The following ASCC3 variants were observed in gnomAD, a reference collection of about 807,000 sequenced individuals.
ASCC3 encodes activating signal cointegrator 1 complex subunit 3.
A neutral mutation model predicts 256.3 loss-of-function variants in ASCC3; 158 were observed. That is an observed-to-expected ratio of 0.62 (90% CI 0.54 to 0.70). ASCC3 has a LOEUF of 0.70. Ranked by LOEUF, ASCC3 falls within the 30% of genes least tolerant of loss-of-function variation. ASCC3 has a pLI of 0.00. For synonymous variants in ASCC3, 948 were observed against 883.4 expected (o/e 1.07, Z -1.30); for missense variants, 2,259 against 2,626.0 (o/e 0.86, Z 3.05).
At chr6:100,577,632 A>C (rs1458096679) in intron 36 of ASCC3, among the ~76,000 whole-genome samples, 1 of 152,010 alleles carries the variant, frequency 6.6e-6, no homozygotes, top group Non-Finnish European at 1.5e-5. Context: ...AGAGCATCAC[A>C]CTGAGCTGAT....
At chr6:100,754,300 A>G (rs988175985) in intron 10 of ASCC3, among the ~76,000 whole-genome samples, 2 of 152,162 alleles carry the variant, frequency 1.3e-5, no homozygotes, top group East Asian at 1.9e-4. Context: ...GGAAATGCCA[A>G]TGCAACATAA....
At chr6:100,868,213 A>C (rs1284066667) in intron 1 of ASCC3, among the ~76,000 whole-genome samples, 175 bp from the exon 2 acceptor site, 2 of 152,216 alleles carry the variant, frequency 1.3e-5, no homozygotes, top group Admixed American at 1.3e-4. Flanking sequence ...TTTGTTTTTA[A>C]AAAGCATTAG....
chr6:100,513,918 T>C (rs78937506), intron 39 of ASCC3, among the ~76,000 whole-genome samples: 2,112 of 152,148 alleles, frequency 0.014, 40 homozygotes, highest in African/African-American at 0.049. Context: ...GGCTTTTTTT[T>C]TTTTAATCAG....
intron 30 of ASCC3, among the ~76,000 whole-genome samples, chr6:100,612,445 A>G (rs1190721389): frequency 1.3e-5 from 2 of 151,950 alleles, no homozygotes; most frequent in Non-Finnish European, 2.9e-5. Context: ...CATTATCAGA[A>G]CTCTATACTC....
At chr6:100,793,090 T>G (rs1319300398) in intron 8 of ASCC3, among the ~76,000 whole-genome samples, 1 of 151,992 alleles carries the variant, frequency 6.6e-6, no homozygotes, top group Non-Finnish European at 1.5e-5. Context: ...ATAGTCACCA[T>G]AGCAAAACAT....
At position 100,717,095 on chromosome 6, in the gene ASCC3, C is replaced by T. The variant is rs543726832; in HGVS notation, c.2079+980G>A. Among the ~76,000 whole-genome samples, 22 of 152,002 alleles carry T rather than the reference C, an allele frequency of 1.4e-4. No individual in the cohort carries two copies. The South Asian group carries it at 4.6e-3, about 32-fold the overall frequency. On this transcript the variant is annotated intron_variant, in intron 12 of 41. Coordinates refer to ENST00000369162, the MANE Select transcript of ASCC3 (RefSeq NM_006828.4). The stretch of plus-strand genomic sequence containing the variant: ...TATGCAGAATTGTATATCATAAACT[C>T]TCCCTTTGTGTACAAGTCTAAAATG...
chr6:100,715,681 A>G lies in ASCC3; in HGVS notation c.2080-148T>C, dbSNP rs560097866. Reference sequence around the variant, plus strand: ...ATCAAATACCTCATAAACATATAACATATAACAATCCATTAAAAAATATGC... The same window carrying G: ...ATCAAATACCTCATAAACATATAACGTATAACAATCCATTAAAAAATATGC... On this transcript the variant is annotated intron_variant, in intron 12 of 41. Transcript: ENST00000369162. The G allele has an allele frequency of 7.9e-4, 480 of 608,074 alleles. 2 individuals are homozygous for G. Among genetic ancestry groups the G allele is most frequent in the Admixed American group, 5.0e-3 (178 of 35,368 alleles). 37.7% of individuals were successfully genotyped at this position (608,074 alleles called of 1,614,324 possible).
chr6:100,686,079 C>T (rs1205747349), intron 13 of ASCC3, among the ~76,000 whole-genome samples: 1 of 152,196 alleles, frequency 6.6e-6, no homozygotes, highest in Non-Finnish European at 1.5e-5. Flanking sequence ...CCCAATCAAA[C>T]ACACTAGCCC....
intron 8 of ASCC3, among the ~76,000 whole-genome samples, chr6:100,778,711 A>G (rs1334377764): frequency 6.6e-6 from 1 of 152,164 alleles, no homozygotes; most frequent in East Asian, 1.9e-4. Context: ...TACGTGACAT[A>G]CAACAATGCA....
chr6:100,539,673 A>T (rs575644281), intron 37 of ASCC3, among the ~76,000 whole-genome samples: 1 of 152,250 alleles, frequency 6.6e-6, no homozygotes, highest in Admixed American at 6.5e-5. Flanking sequence ...TTTTAGTTAA[A>T]TGTTACCTTA....
chr6:100,816,269 T>C (rs574428728), intron 4 of ASCC3, among the ~76,000 whole-genome samples: 1 of 151,956 alleles, frequency 6.6e-6, no homozygotes, highest in South Asian at 2.1e-4. Flanking sequence ...CAGATGCTAG[T>C]GAGGTTACGG....
intron 36 of ASCC3, among the ~76,000 whole-genome samples, chr6:100,582,599 C>T (rs1582493040): frequency 1.3e-5 from 2 of 152,018 alleles, no homozygotes; most frequent in East Asian, 3.9e-4. Context: ...GCCTAAATGC[C>T]CTGGCCAGAA....
chr6:100,605,493 A>G, intron 33 of ASCC3, 75 bp downstream of exon 33: 2 of 1,099,850 alleles, frequency 1.8e-6, no homozygotes, highest in South Asian at 1.5e-5. Flanking sequence ...TGATTTTTAT[A>G]TAATAAAATA....
At chr6:100,558,529 A>G (rs1769747496) in intron 36 of ASCC3, among the ~76,000 whole-genome samples, 1 of 152,184 alleles carries the variant, frequency 6.6e-6, no homozygotes, top group South Asian at 2.1e-4. Flanking sequence ...TCTCAAAAAG[A>G]CAACTTTGAA....
intron 11 of ASCC3, among the ~76,000 whole-genome samples, chr6:100,719,309 T>A (rs1303076921): frequency 6.6e-6 from 1 of 151,968 alleles, no homozygotes; most frequent in Non-Finnish European, 1.5e-5. Flanking sequence ...GAACCCTAAA[T>A]AAGGGGAAAT....
intron 4 of ASCC3, among the ~76,000 whole-genome samples, chr6:100,817,726 A>G (rs978082134): frequency 6.6e-6 from 1 of 152,148 alleles, no homozygotes; most frequent in African/African-American, 2.4e-5. Context: ...CAACTCAAGA[A>G]GTAATAGATA....
At chr6:100,533,043 AG>A (rs1163691707) in intron 37 of ASCC3, among the ~76,000 whole-genome samples, 9 of 151,992 alleles carry the variant, frequency 5.9e-5, no homozygotes, top group Admixed American at 1.3e-4. Flanking sequence ...TATTGTTTTC[AG>A]ACTGATTAAT....
intron 1 of ASCC3, among the ~76,000 whole-genome samples, chr6:100,874,464 CA>C (rs530326162): frequency 0.28 from 21,393 of 76,240 alleles, 985 homozygotes; most frequent in South Asian, 0.44. Flanking sequence ...GACTCTGTCT[CA>C]AAAAAAAAAA....
chr6:100,712,287 C>T (rs764789402), intron 13 of ASCC3, among the ~76,000 whole-genome samples: 1 of 151,960 alleles, frequency 6.6e-6, no homozygotes, highest in Non-Finnish European at 1.5e-5. Context: ...TATAACTCTG[C>T]TGAAAAACAC....
Sources: allele counts gnomAD v4.1 joint callset (sites outside exome capture counted in the v4.1 genomes callset), GRCh38; gene constraint gnomAD v4.1.1; transcripts MANE v1.5; gene names NCBI Gene and HGNC (gene_info 2026-07-23, HGNC 2026-07-21).